The following ETV6 variants were observed in gnomAD, a reference collection of about 807,000 sequenced individuals.
The protein encoded by ETV6 is ETS variant transcription factor 6.
ETV6 carries 16 observed loss-of-function variants against 51.1 expected under a neutral mutation model. The ratio of observed to expected loss-of-function variants is 0.31; its 90% CI spans 0.21 to 0.48. ETV6 has a LOEUF of 0.48. Among genes scored for constraint, ETV6 ranks in the 20% least tolerant of loss-of-function variants. The probability of loss-of-function intolerance (pLI) is 0.99; values close to 1 mark genes in which losing one functional copy is unlikely to be tolerated. For missense variants in ETV6, 458 were observed against 594.8 expected (o/e 0.77, Z 2.39); for synonymous variants, 240 against 224.1 (o/e 1.07, Z -0.64).
At chr12:11,793,131 T>G (rs1370381885) in intron 2 of ETV6, among the ~76,000 whole-genome samples, 2 of 152,028 alleles carry the variant, frequency 1.3e-5, no homozygotes, top group African/African-American at 2.4e-5. Context: ...GGAACAATGG[T>G]GACTGATATC....
At chr12:11,702,639 T>G (rs993353135) in intron 1 of ETV6, among the ~76,000 whole-genome samples, 2 of 148,862 alleles carry the variant, frequency 1.3e-5, no homozygotes, top group Admixed American at 6.7e-5. Context: ...AAAAATTTCA[T>G]GCAAGGGTAT....
chr12:11,803,662 T>C (rs1427559736), intron 2 of ETV6, among the ~76,000 whole-genome samples: 2 of 152,200 alleles, frequency 1.3e-5, no homozygotes, highest in African/African-American at 4.8e-5. Context: ...TGATTTAGTT[T>C]GGGGCACTCA....
chr12:11,814,888 T>G (rs1272453137), intron 2 of ETV6, among the ~76,000 whole-genome samples: 1 of 151,960 alleles, frequency 6.6e-6, no homozygotes, highest in Non-Finnish European at 1.5e-5. Context: ...TCCCGGGGAG[T>G]GTGATGTGAA....
chr12:11,872,650 T>C (rs1402590974), intron 5 of ETV6, among the ~76,000 whole-genome samples: 1 of 151,970 alleles, frequency 6.6e-6, no homozygotes, highest in Admixed American at 6.6e-5. Context: ...CACGCCACCA[T>C]GCCTGGCGAA....
rs150610942 is a variant in ETV6 at position 11,686,437 on chromosome 12, C to T, written c.33+36277C>T. Among the ~76,000 whole-genome samples, 20 of 152,302 alleles carry T rather than the reference C, an allele frequency of 1.3e-4. No individual in the cohort carries two copies. The East Asian group carries it at 3.9e-3, about 29-fold the overall frequency. On this transcript the variant is annotated intron_variant, in intron 1 of 7. Transcript: ENST00000396373. Reference sequence around the variant, plus strand: ...GTTCTGTCTTTCATGAGCTTTCATGCCCTTTAGAGACCATTTTGCACACCT... The same window carrying T: ...GTTCTGTCTTTCATGAGCTTTCATGTCCTTTAGAGACCATTTTGCACACCT...
chr12:11,725,281 T>C (rs1353261190), intron 1 of ETV6, among the ~76,000 whole-genome samples: 1 of 152,146 alleles, frequency 6.6e-6, no homozygotes, highest in East Asian at 1.9e-4. Flanking sequence ...AAAATTCTTT[T>C]GTGCAGCGTG....
At chr12:11,853,597 T>G (rs1946589354) in intron 4 of ETV6, 36 bp downstream of exon 4, 4 of 1,608,852 alleles carry the variant, frequency 2.5e-6, no homozygotes, top group Admixed American at 3.4e-5. Context: ...TGCCTGAGGT[T>G]TAGACAAATC....
rs115763722 is a variant in ETV6, at chr12:11,878,665, G to A, written c.1010-5780G>A. 4.0e-3 allele frequency among the ~76,000 whole-genome samples: 609 copies of A among 152,002 alleles called. 6 individuals are homozygous for A. Among genetic ancestry groups the A allele is most frequent in the African/African-American group, 0.014 (577 of 41,456 alleles). ...CCTCCACTTCTCCCTCCCCCAGCGT[G>A]CCACCGTGCACATATGTTTTCTGTT... On this transcript the variant is annotated intron_variant, in intron 5 of 7. Transcript: ENST00000396373.
chr12:11,818,041 C>T (rs191550718), intron 2 of ETV6, among the ~76,000 whole-genome samples: 2 of 152,034 alleles, frequency 1.3e-5, no homozygotes, highest in South Asian at 2.1e-4. Flanking sequence ...CAAAGGCCTG[C>T]GGGGTGACAG....
intron 4 of ETV6, among the ~76,000 whole-genome samples, chr12:11,862,707 T>C (rs1205673047): frequency 6.6e-6 from 1 of 152,146 alleles, no homozygotes; most frequent in Non-Finnish European, 1.5e-5. Flanking sequence ...AATGACCTCA[T>C]CCTAACTAAT....
At position 11,706,889 on chromosome 12, in the gene ETV6, C is replaced by T. The variant is rs545400462; in HGVS notation, c.34-45561C>T. On this transcript the variant is annotated intron_variant, in intron 1 of 7. Transcript: ENST00000396373. ...AGGTTGATGCTGCTTGTTTGGAAAG[C>T]CCTCTACTTCACAGCGAACAGTTTG... is the stretch of plus-strand genomic sequence containing the variant. Among the ~76,000 whole-genome samples the T allele has an allele frequency of 2.0e-5, 3 of 152,344 alleles. No individual in the cohort carries two copies. In the South Asian group the frequency reaches 6.2e-4, roughly 32 times the overall value.
chr12:11,885,778 G>T (rs533806777), intron 6 of ETV6, 148 bp from the exon 7 acceptor site: 88 of 601,618 alleles, frequency 1.5e-4, no homozygotes, highest in African/African-American at 1.2e-3. Context: ...CTGGAAGGCA[G>T]CCGATTAGCA....
At position 11,649,790 on chromosome 12, in the gene ETV6, G is replaced by GGGAGGGC; in HGVS notation, c.-335_-329dup. ...ATTCGAGAGAGCGAGGGAGAGCCGC[G>GGGAGGGC]GGAGGGCGGGGGGCGGGGGCGCCGG... On this transcript the variant is annotated 5_prime_UTR_variant, in exon 1 of 8. It introduces an in-frame stop codon into an upstream open reading frame of the 5' UTR. Coordinates refer to ENST00000396373, the MANE Select transcript of ETV6 (RefSeq NM_001987.5). 6.8e-6 allele frequency: 1 copy of GGGAGGGC among 147,064 alleles called. No homozygotes were observed. The highest frequency in any genetic ancestry group is 2.1e-4 in the South Asian group (1 of 4,798). The allele number at this position is 147,064 out of a possible 1,614,324, so 9.1% of individuals were successfully genotyped here. A position where few individuals can be genotyped will look rare whatever the true frequency, so the allele number is the denominator to read the frequency against.
chr12:11,808,861 G>A (rs1945869417), intron 2 of ETV6, among the ~76,000 whole-genome samples: 1 of 152,094 alleles, frequency 6.6e-6, no homozygotes. Context: ...ATGACAGGAT[G>A]ACCTACTTAA....
intron 1 of ETV6, among the ~76,000 whole-genome samples, chr12:11,726,984 G>T (rs1865501180): frequency 1.3e-5 from 2 of 152,224 alleles, no homozygotes; most frequent in African/African-American, 4.8e-5. Flanking sequence ...CAAGTTACTT[G>T]TGCAAATCAC....
At chr12:11,698,725 G>T (rs2724653) in intron 1 of ETV6, among the ~76,000 whole-genome samples, 2 of 152,004 alleles carry the variant, frequency 1.3e-5, no homozygotes, top group Admixed American at 6.5e-5. Flanking sequence ...ATCCAAAAAG[G>T]CTGAATGAAA....
intron 2 of ETV6, among the ~76,000 whole-genome samples, chr12:11,781,068 C>G (rs945620669): frequency 6.6e-6 from 1 of 152,192 alleles, no homozygotes; most frequent in Non-Finnish European, 1.5e-5. Context: ...AAACTTGCCT[C>G]ATGATACAAC....
chr12:11,687,927 C>G (rs1171094731), intron 1 of ETV6, among the ~76,000 whole-genome samples: 1 of 152,212 alleles, frequency 6.6e-6, no homozygotes, highest in Non-Finnish European at 1.5e-5. Flanking sequence ...CTGAGTGCTT[C>G]CCGTGTGCTA....
At position 11,789,223 on chromosome 12, in the gene ETV6, G is replaced by A. The variant is rs137982435; in HGVS notation, c.163+36644G>A. Among the ~76,000 whole-genome samples the A allele has an allele frequency of 8.4e-4, 128 of 152,112 alleles. 1 individual carries two copies. The highest frequency in any genetic ancestry group is 2.9e-3 in the African/African-American group (119 of 41,488). The stretch of plus-strand genomic sequence containing the variant: ...AATTTCTTGTATTTTTAGTAGAGAC[G>A]GGTTTTCACCATGTTGGCCAGGCTA... On this transcript the variant is annotated intron_variant, in intron 2 of 7. Transcript: ENST00000396373.
Sources: gnomAD v4.1 joint callset for allele counts (sites outside exome capture counted in the v4.1 genomes callset) on GRCh38, gnomAD v4.1.1 for gene constraint, MANE v1.5 for transcripts, NCBI Gene and HGNC (gene_info 2026-07-23, HGNC 2026-07-21) for gene names.